PDE3B: variants seen among roughly 807,000 people sequenced by gnomAD.
PDE3B encodes the protein phosphodiesterase 3B.
PDE3B carries 66 observed loss-of-function variants against 116.8 expected under a neutral mutation model. That is an observed-to-expected ratio of 0.56 (90% confidence interval 0.46 to 0.69). PDE3B has a LOEUF of 0.69. Ranked by LOEUF, PDE3B falls within the 30% of genes least tolerant of loss-of-function variation. PDE3B has a pLI of 0.00. For synonymous variants in PDE3B, 595 were observed against 533.6 expected, an observed-to-expected ratio of 1.12 and a Z score of -1.59; for missense variants, 1,384 against 1,368.1, an observed-to-expected ratio of 1.01 and a Z score of -0.18.
intron 1 of PDE3B, among the ~76,000 whole-genome samples, chr11:14,704,947 T>G (rs1388224125): frequency 3.3e-5 from 5 of 151,592 alleles, no homozygotes; most frequent in Admixed American, 6.6e-5. Flanking sequence ...GGAAAAATAT[T>G]TATAATACAT....
intron 1 of PDE3B, among the ~76,000 whole-genome samples, chr11:14,647,158 A>G (rs1438427354): frequency 6.6e-6 from 1 of 152,006 alleles, no homozygotes; most frequent in Non-Finnish European, 1.5e-5. Flanking sequence ...TTATGGAAGT[A>G]AAAGATCAGG....
intron 5 of PDE3B, among the ~76,000 whole-genome samples, chr11:14,806,500 G>T (rs193014543): frequency 1.1e-4 from 17 of 151,232 alleles, no homozygotes; most frequent in Admixed American, 7.9e-4. Context: ...TATGTTTATT[G>T]TGGCAGTGTT....
chr11:14,746,258 G>T (rs1856907633), intron 1 of PDE3B, among the ~76,000 whole-genome samples: 2 of 152,232 alleles, frequency 1.3e-5, no homozygotes, highest in South Asian at 4.2e-4. Flanking sequence ...GCTGGGCGTG[G>T]TGGCATTCAC....
intron 1 of PDE3B, among the ~76,000 whole-genome samples, chr11:14,663,263 G>C (rs1371721667): frequency 2.6e-5 from 4 of 152,134 alleles, no homozygotes; most frequent in Non-Finnish European, 5.9e-5. Flanking sequence ...AATGCTGAGA[G>C]ATTTTGTCAC....
At chr11:14,854,097 T>A (rs1434925863) in intron 12 of PDE3B, among the ~76,000 whole-genome samples, 6 of 152,182 alleles carry the variant, frequency 3.9e-5, no homozygotes, top group African/African-American at 7.2e-5. Context: ...AAGTTTTTTT[T>A]ATAACATTTC....
chr11:14,673,560 C>A, intron 1 of PDE3B: 1 of 510,474 alleles, frequency 2.0e-6, no homozygotes, highest in Non-Finnish European at 3.8e-6. Context: ...GAGATCCAAA[C>A]ATAAGTGAGT....
intron 1 of PDE3B, among the ~76,000 whole-genome samples, chr11:14,767,107 T>C (rs1409187606): frequency 6.6e-6 from 1 of 151,668 alleles, no homozygotes; most frequent in Non-Finnish European, 1.5e-5. Context: ...GGTGCCTGTG[T>C]AGTTTTTGTC....
At chr11:14,894,046 G>A in the PDE3B span, among the ~76,000 whole-genome samples, 2 of 152,182 alleles carry the variant, frequency 1.3e-5, no homozygotes, top group African/African-American at 4.8e-5. Context: ...CACTGCGGAA[G>A]TCAGCAAGTT....
At chr11:14,710,183 A>G (rs971146641) in intron 1 of PDE3B, among the ~76,000 whole-genome samples, 4 of 152,172 alleles carry the variant, frequency 2.6e-5, no homozygotes, top group Non-Finnish European at 5.9e-5. Context: ...CATCTAGAGA[A>G]TGGTTTGTGA....
chr11:14,753,258 T>C (rs1590115964), intron 1 of PDE3B, among the ~76,000 whole-genome samples: 2 of 152,152 alleles, frequency 1.3e-5, no homozygotes, highest in Admixed American at 6.5e-5. Flanking sequence ...ATGAACCACA[T>C]ACTTTATTAG....
At chr11:14,730,649 A>G (rs1343144770) in intron 1 of PDE3B, among the ~76,000 whole-genome samples, 1 of 152,252 alleles carries the variant, frequency 6.6e-6, no homozygotes, top group Non-Finnish European at 1.5e-5. Flanking sequence ...TTGTATTAAT[A>G]GCAAACATAC....
At chr11:14,667,273 G>T (rs934189355) in intron 1 of PDE3B, among the ~76,000 whole-genome samples, 4 of 150,248 alleles carry the variant, frequency 2.7e-5, no homozygotes, top group Non-Finnish European at 5.9e-5. Flanking sequence ...ATCACACTCT[G>T]GGGACTGTTG....
intron 5 of PDE3B, among the ~76,000 whole-genome samples, chr11:14,804,758 A>C (rs1858869443): frequency 6.6e-6 from 1 of 152,192 alleles, no homozygotes; most frequent in East Asian, 1.9e-4. Context: ...TTAAAATAAC[A>C]ATGATGTTTA....
chr11:14,880,577 C>G, the PDE3B span: 7 of 1,613,190 alleles, frequency 4.3e-6, no homozygotes, highest in South Asian at 5.5e-5. Flanking sequence ...ATGTTTGAAA[C>G]AGCATTCGTT....
At chr11:14,687,331 A>G in intron 1 of PDE3B, among the ~76,000 whole-genome samples, 1 of 152,320 alleles carries the variant, frequency 6.6e-6, no homozygotes, top group Middle Eastern at 3.4e-3. Context: ...TGGTAAATTT[A>G]TAATGTTATA....
At chr11:14,723,478 G>T (rs1856183838) in intron 1 of PDE3B, among the ~76,000 whole-genome samples, 1 of 152,150 alleles carries the variant, frequency 6.6e-6, no homozygotes, top group Non-Finnish European at 1.5e-5. Context: ...TCTGGTCCAG[G>T]CACAGTGGCT....
At chr11:14,756,031 ATTATTTTACAATTAAGAATCC>A (rs957926851) in intron 1 of PDE3B, among the ~76,000 whole-genome samples, 4 of 152,202 alleles carry the variant, frequency 2.6e-5, no homozygotes, top group Non-Finnish European at 4.4e-5. Flanking sequence ...CCATTTTACA[ATTATTTTACAATTAAGAATCC>A]TTATTTTACA....
intron 1 of PDE3B, among the ~76,000 whole-genome samples, chr11:14,696,955 T>A (rs957807333): frequency 2.0e-5 from 3 of 152,136 alleles, no homozygotes; most frequent in African/African-American, 7.2e-5. Flanking sequence ...ACTTTTTTTT[T>A]AGGCAGGGTC....
intron 5 of PDE3B, among the ~76,000 whole-genome samples, chr11:14,813,551 C>T (rs908332354): frequency 6.6e-6 from 1 of 152,162 alleles, no homozygotes; most frequent in African/African-American, 2.4e-5. Flanking sequence ...TTACATTGAG[C>T]ACAACTACAT....
Sources: gnomAD v4.1 joint callset for allele counts (sites outside exome capture counted in the v4.1 genomes callset) on GRCh38, gnomAD v4.1.1 for gene constraint, MANE v1.5 for transcripts, NCBI Gene and HGNC (gene_info 2026-07-23, HGNC 2026-07-21) for gene names.